SDK2: variants seen among roughly 807,000 people sequenced by gnomAD.
SDK2 encodes the protein protein sidekick-2.
SDK2 carries 105 observed loss-of-function variants against 253.9 expected under a neutral mutation model. That is an observed-to-expected ratio of 0.41 (90% CI 0.35 to 0.49). The LOEUF (loss-of-function observed/expected upper bound fraction) is 0.49. Among genes scored for constraint, SDK2 ranks in the 20% least tolerant of loss-of-function variants. The probability of loss-of-function intolerance (pLI) is 0.06; values close to 1 mark genes in which losing one functional copy is unlikely to be tolerated. For synonymous variants in SDK2, 1,249 were observed against 1,234.9 expected (o/e 1.01, Z -0.24); for missense variants, 2,608 against 3,003.0 (o/e 0.87, Z 3.07).
chr17:73,391,519 G>T lies in SDK2; in HGVS notation c.3918C>A (p.Gly1306=), dbSNP rs977680878. 3 of 1,302,576 alleles carry T rather than the reference G, an allele frequency of 2.3e-6. No homozygotes were observed. The highest frequency in any genetic ancestry group is 2.9e-6 in the Non-Finnish European group (3 of 1,017,522). The allele number at this position is 1,302,576 out of a possible 1,614,324, so 80.7% of individuals were successfully genotyped here. ...TLDDVPGPPM[G]ILFPEVRTTS... ...TGGTCCGCACCTCTGGGAACAGGAT[G>T]CCCATGGGTGGTCCTGGGACTGGAG... Residue 1306 remains glycine (G), a synonymous_variant, in exon 28 of 45, where the codon GGC becomes GGA. Transcript: ENST00000392650.
chr17:73,435,355 G>T lies in SDK2; in HGVS notation c.1195+95C>A. 8.0e-7 allele frequency: 1 copy of T among 1,244,818 alleles called. No individual in the cohort carries two copies. The highest frequency in any genetic ancestry group is 1.1e-6 in the Non-Finnish European group (1 of 904,462). 77.1% of individuals were successfully genotyped at this position (1,244,818 alleles called of 1,614,324 possible). ...GGGGATCCTATCTGCTTAATGGAAC[G>T]TGCTATGCACAAGAGGCCCCTCGGA... On this transcript the variant is annotated intron_variant, in intron 9 of 44. Transcript: ENST00000392650. This position sits in a 1 kb window ranked among gnomAD's most constrained non-coding sequence, Gnocchi z 5.7.
intron 1 of SDK2, among the ~76,000 whole-genome samples, chr17:73,539,427 C>G (rs2044830063): frequency 6.6e-6 from 1 of 150,766 alleles, no homozygotes; most frequent in Admixed American, 6.7e-5. Context: ...CTCGGCTCAG[C>G]ACAGCCAGGA....
intron 1 of SDK2, among the ~76,000 whole-genome samples, chr17:73,526,032 C>A (rs2064122573): frequency 6.6e-6 from 1 of 152,218 alleles, no homozygotes; most frequent in African/African-American, 2.4e-5. Context: ...GAGTGAAGCC[C>A]TTGATACATC....
At chr17:73,561,136 G>A (rs1017694421) in intron 1 of SDK2, among the ~76,000 whole-genome samples, 1 of 152,192 alleles carries the variant, frequency 6.6e-6, no homozygotes, top group Non-Finnish European at 1.5e-5. Context: ...CCACAACTTG[G>A]CATTTCTAGC....
At position 73,481,127 on chromosome 17, in the gene SDK2, T is replaced by C. The variant is rs904951680; in HGVS notation, c.225-8909A>G. Among the ~76,000 whole-genome samples the C allele has an allele frequency of 2.0e-5, 3 of 151,930 alleles. No homozygotes were observed. Among genetic ancestry groups the C allele is most frequent in the Non-Finnish European group, 4.4e-5 (3 of 67,954 alleles). On this transcript the variant is annotated intron_variant, in intron 2 of 44. Transcript: ENST00000392650. This position sits in a 1 kb window ranked among gnomAD's most constrained non-coding sequence, Gnocchi z 4.5. ...CCGGAATTGGTTCTGGAGCAGGCAC[T>C]GGGGAGGGGACAGGCAAGCCCAGGC... is the stretch of plus-strand genomic sequence containing the variant.
intron 1 of SDK2, among the ~76,000 whole-genome samples, chr17:73,620,315 T>A (rs2143191063): frequency 6.6e-6 from 1 of 151,712 alleles, no homozygotes; most frequent in South Asian, 2.1e-4. Context: ...GAAATACAAA[T>A]CAAAACCCCC....
chr17:73,449,291 C>T (rs551461739), intron 4 of SDK2, among the ~76,000 whole-genome samples: 20 of 152,292 alleles, frequency 1.3e-4, no homozygotes, highest in South Asian at 1.0e-3. Context: ...GATTTTAATG[C>T]GATGGGCCTG....
At chr17:73,532,956 C>G (rs1210480140) in intron 1 of SDK2, among the ~76,000 whole-genome samples, 1 of 152,170 alleles carries the variant, frequency 6.6e-6, no homozygotes, top group Admixed American at 6.5e-5. Flanking sequence ...TTAATAAAGG[C>G]ATTTAATAAA....
At chr17:73,487,999 A>G (rs533411241) in intron 2 of SDK2, among the ~76,000 whole-genome samples, 2 of 151,322 alleles carry the variant, frequency 1.3e-5, no homozygotes, top group African/African-American at 4.8e-5. Context: ...CATCTGTATA[A>G]CGGGCAAAGT....
At chr17:73,487,934 C>T (rs2063779793) in intron 2 of SDK2, among the ~76,000 whole-genome samples, 1 of 152,238 alleles carries the variant, frequency 6.6e-6, no homozygotes, top group African/African-American at 2.4e-5. Context: ...CTCTGTCACT[C>T]ACTGAGCACG....
chr17:73,620,936 G>A (rs1378294778), intron 1 of SDK2, among the ~76,000 whole-genome samples: 3 of 152,174 alleles, frequency 2.0e-5, no homozygotes, highest in African/African-American at 7.2e-5. Flanking sequence ...AGATAGAGGT[G>A]ATGGTTGCAC....
intron 2 of SDK2, among the ~76,000 whole-genome samples, chr17:73,478,526 C>T (rs555910712): frequency 1.3e-5 from 2 of 152,142 alleles, no homozygotes; most frequent in African/African-American, 2.4e-5. Context: ...CAGGACCCTG[C>T]GGCTCAGTCC....
intron 3 of SDK2, among the ~76,000 whole-genome samples, chr17:73,463,441 T>C (rs1372992866): frequency 6.6e-6 from 1 of 152,172 alleles, no homozygotes; most frequent in Non-Finnish European, 1.5e-5. Flanking sequence ...ATGTATAGTT[T>C]ACAGAAGAAT....
intron 1 of SDK2, among the ~76,000 whole-genome samples, chr17:73,600,898 G>T (rs577340125): frequency 3.4e-4 from 52 of 152,316 alleles, no homozygotes; most frequent in African/African-American, 1.1e-3. Flanking sequence ...GCCCACCAGG[G>T]AACAGGAGGC....
intron 29 of SDK2, among the ~76,000 whole-genome samples, chr17:73,388,385 G>C (rs2062892389): frequency 6.6e-6 from 1 of 152,216 alleles, no homozygotes; most frequent in Non-Finnish European, 1.5e-5. Flanking sequence ...CGCTGTCCCT[G>C]ATTGAGCAGG....
In SDK2 at chr17:73,352,311, G is replaced by A. The variant is rs1229452893; in HGVS notation, c.5758+162C>T. On this transcript the variant is annotated intron_variant, in intron 41 of 44. Coordinates refer to ENST00000392650, the MANE Select transcript of SDK2 (RefSeq NM_001144952.2). The surrounding 1 kb of genome is among the most constrained non-coding windows in gnomAD (Gnocchi z 4.1). Reference sequence around the variant, plus strand: ...GTCTTGAGGGCTGACCCAGGCCTGGGCACCAGCACTTGCCTCTTCACAGCC... The same window carrying A: ...GTCTTGAGGGCTGACCCAGGCCTGGACACCAGCACTTGCCTCTTCACAGCC... Among the ~76,000 whole-genome samples, 2 of 152,148 alleles carry A rather than the reference G, an allele frequency of 1.3e-5. No individual in the cohort carries two copies. The highest frequency in any genetic ancestry group is 1.3e-4 in the Admixed American group (2 of 15,282).
chr17:73,557,804 T>G (rs2045167936), intron 1 of SDK2, among the ~76,000 whole-genome samples: 2 of 152,286 alleles, frequency 1.3e-5, no homozygotes, highest in Non-Finnish European at 2.9e-5. Context: ...TCCTTTCCCA[T>G]TAACAGGAGT....
Position 73,582,212 on chromosome 17 carries a change from AT to A in SDK2, c.64+61812del, listed in dbSNP as rs199573391. Among the ~76,000 whole-genome samples the A allele has an allele frequency of 8.5e-4, 112 of 131,274 alleles. 1 individual carries two copies. The South Asian group carries it at 0.013, about 16-fold the overall frequency. 86.1% of individuals were successfully genotyped at this position (131,274 alleles called of 152,430 possible). On this transcript the variant is annotated intron_variant, in intron 1 of 44. Transcript: ENST00000392650. ...GGGCACACACCACGCAGGCATCAGC[AT>A]TTGGGGGCGCACACCACGCAGGCAT...
chr17:73,444,037 G>A (rs2063434480), intron 5 of SDK2, among the ~76,000 whole-genome samples: 2 of 152,288 alleles, frequency 1.3e-5, no homozygotes, highest in Non-Finnish European at 2.9e-5. Flanking sequence ...GCCGGGAAGG[G>A]GGCAGCTAAG....
Sources: allele counts gnomAD v4.1 joint callset (sites outside exome capture counted in the v4.1 genomes callset), GRCh38; gene constraint gnomAD v4.1.1; non-coding constraint Gnocchi (gnomAD v3.1); transcripts MANE v1.5; gene names NCBI Gene and HGNC (gene_info 2026-07-23, HGNC 2026-07-21).